AOPEP: variants seen among roughly 807,000 people sequenced by gnomAD.
AOPEP encodes aminopeptidase O (putative).
AOPEP carries 77 observed loss-of-function variants against 98.1 expected under a neutral mutation model. That is an observed-to-expected ratio of 0.78 (90% CI 0.65 to 0.95). The LOEUF (loss-of-function observed/expected upper bound fraction) is 0.95, where lower values mean the gene tolerates loss of function less well. AOPEP is among the 40% of genes least tolerant of loss of function. The pLI is 0.00. For synonymous variants in AOPEP, 346 were observed against 365.3 expected (o/e 0.95, Z 0.60); for missense variants, 1,024 against 1,024.7 (o/e 1.00, Z 0.01).
intron 13 of AOPEP, among the ~76,000 whole-genome samples, chr9:95,037,963 C>T (rs2064972315): frequency 6.6e-6 from 1 of 152,138 alleles, no homozygotes; most frequent in South Asian, 2.1e-4. Context: ...TGGTGTGGAG[C>T]TCCTTAGATG....
intron 1 of AOPEP, among the ~76,000 whole-genome samples, chr9:94,732,317 T>A (rs1830743688): frequency 6.6e-6 from 1 of 152,072 alleles, no homozygotes; most frequent in Admixed American, 6.6e-5. Context: ...GGGTACTAAT[T>A]CCCATCTCTT....
chr9:94,889,261 T>C (rs1004271623), intron 5 of AOPEP, among the ~76,000 whole-genome samples: 1 of 152,204 alleles, frequency 6.6e-6, no homozygotes, highest in Non-Finnish European at 1.5e-5. Context: ...CCCAAAGTGC[T>C]ATATCTTTTT....
At chr9:94,985,828 C>T (rs191768235) in intron 11 of AOPEP, among the ~76,000 whole-genome samples, 16 of 152,290 alleles carry the variant, frequency 1.1e-4, no homozygotes, top group South Asian at 6.2e-4. Context: ...ATAGGTTCTG[C>T]GGCCTCACTT....
chr9:94,940,863 C>T (rs887274832), intron 7 of AOPEP, among the ~76,000 whole-genome samples: 3 of 152,136 alleles, frequency 2.0e-5, no homozygotes, highest in Admixed American at 6.5e-5. Context: ...CCACCCTTCC[C>T]TGGGGACCAC....
At chr9:94,729,231 T>C (rs1829958039) in intron 1 of AOPEP, among the ~76,000 whole-genome samples, 1 of 152,084 alleles carries the variant, frequency 6.6e-6, no homozygotes, top group African/African-American at 2.4e-5. Context: ...AGACTTGAGG[T>C]TAAAATGTTC....
intron 4 of AOPEP, among the ~76,000 whole-genome samples, chr9:94,799,722 C>T (rs565532739): frequency 6.1e-4 from 92 of 151,786 alleles, no homozygotes; most frequent in African/African-American, 2.1e-3. Flanking sequence ...ATTAGCCAGG[C>T]GTGGTGGCAC....
rs567311025 is a variant in AOPEP at position 94,775,758 on chromosome 9, A to G, written c.964+2590A>G. On this transcript the variant is annotated intron_variant, in intron 3 of 16. Coordinates refer to ENST00000375315, the MANE Select transcript of AOPEP (RefSeq NM_001193329.3). The stretch of plus-strand genomic sequence containing the variant: ...TGGAGGCCCAGGTGGGCGGATCATG[A>G]TATCAGGAGATCGAGACCATTCTGG... Among the ~76,000 whole-genome samples, 9 of 152,200 alleles carry G rather than the reference A, an allele frequency of 5.9e-5. No individual in the cohort carries two copies. The South Asian group carries it at 1.9e-3, about 32-fold the overall frequency.
chr9:94,987,737 T>C (rs1263098140), intron 11 of AOPEP, among the ~76,000 whole-genome samples: 1 of 152,240 alleles, frequency 6.6e-6, no homozygotes, highest in Non-Finnish European at 1.5e-5. Flanking sequence ...TGTAATCTTT[T>C]CCCTTTCTGT....
At chr9:94,755,822 T>C (rs530607230) in intron 1 of AOPEP, among the ~76,000 whole-genome samples, 1 of 152,334 alleles carries the variant, frequency 6.6e-6, no homozygotes, top group African/African-American at 2.4e-5. Flanking sequence ...AGCAAATTAC[T>C]TTGCCTCTCT....
At chr9:95,075,957 G>A (rs541270723) in intron 14 of AOPEP, among the ~76,000 whole-genome samples, 3 of 152,306 alleles carry the variant, frequency 2.0e-5, no homozygotes, top group Admixed American at 1.3e-4. Context: ...GGGCTCTCCC[G>A]CTCCTGCAGG....
intron 5 of AOPEP, among the ~76,000 whole-genome samples, chr9:94,812,438 T>C (rs1463824157): frequency 6.6e-6 from 1 of 152,112 alleles, no homozygotes; most frequent in African/African-American, 2.4e-5. Context: ...ACTGTCTCGC[T>C]CCAAGGGACT....
chr9:94,877,730 A>T (rs757492077), intron 5 of AOPEP, among the ~76,000 whole-genome samples: 1 of 152,132 alleles, frequency 6.6e-6, no homozygotes, highest in Non-Finnish European at 1.5e-5. Context: ...CTCCTACTGG[A>T]TTTAATCTGG....
Position 94,930,808 on chromosome 9 carries a change from G to A in AOPEP, c.1661+2277G>A, listed in dbSNP as rs2055167102. Among the ~76,000 whole-genome samples, 1 of 152,110 alleles carries A rather than the reference G, an allele frequency of 6.6e-6. No homozygotes were observed. The highest frequency in any genetic ancestry group is 1.5e-5 in the Non-Finnish European group (1 of 68,028). On this transcript the variant is annotated intron_variant, in intron 7 of 16. Coordinates refer to ENST00000375315, the MANE Select transcript of AOPEP (RefSeq NM_001193329.3). The surrounding 1 kb of genome is among the most constrained non-coding windows in gnomAD (Gnocchi z 4.5). The stretch of plus-strand genomic sequence containing the variant: ...CATGGATGGGAAGTCAGGAAGCGGG[G>A]CTGGTAACTGTAGGCTCTGTGAGAG...
intron 7 of AOPEP, among the ~76,000 whole-genome samples, chr9:94,952,469 C>T (rs540149887): frequency 6.6e-6 from 1 of 152,142 alleles, no homozygotes; most frequent in Non-Finnish European, 1.5e-5. Flanking sequence ...GATCTCTATC[C>T]CCATAGGTCA....
At chr9:94,807,776 T>G (rs1849550863) in intron 5 of AOPEP, among the ~76,000 whole-genome samples, 1 of 152,244 alleles carries the variant, frequency 6.6e-6, no homozygotes, top group Non-Finnish European at 1.5e-5. Context: ...TCTGTACTGC[T>G]GATGTATGCA....
At chr9:95,123,779 C>T in the AOPEP span, 240 of 698,596 alleles carry the variant, frequency 3.4e-4, 1 homozygote, top group African/African-American at 3.5e-3. Flanking sequence ...AGTCAGGAAT[C>T]GATCTTGTGA....
chr9:94,997,098 T>C (rs969700675), intron 11 of AOPEP, among the ~76,000 whole-genome samples: 2 of 152,194 alleles, frequency 1.3e-5, no homozygotes, highest in Non-Finnish European at 2.9e-5. Flanking sequence ...AAGATAAGGA[T>C]GTATGCACTT....
chr9:94,820,075 A>G (rs1487998941), intron 5 of AOPEP, among the ~76,000 whole-genome samples: 1 of 150,008 alleles, frequency 6.7e-6, no homozygotes, highest in Non-Finnish European at 1.5e-5. Flanking sequence ...CCTCCTGAAT[A>G]GCTGGGATTA....
At chr9:94,847,700 A>G (rs2043033756) in intron 5 of AOPEP, among the ~76,000 whole-genome samples, 1 of 152,182 alleles carries the variant, frequency 6.6e-6, no homozygotes, top group Non-Finnish European at 1.5e-5. Context: ...GGAAACAGAT[A>G]TGAGTGGGAG....
Sources: allele counts gnomAD v4.1 joint callset (sites outside exome capture counted in the v4.1 genomes callset), GRCh38; gene constraint gnomAD v4.1.1; non-coding constraint Gnocchi (gnomAD v3.1); transcripts MANE v1.5; gene names NCBI Gene and HGNC (gene_info 2026-07-23, HGNC 2026-07-21).